Variants in CMIP observed in about 807,000 individuals in gnomAD.
CMIP encodes the protein c-Maf inducing protein.
Under a neutral mutation model 97.3 loss-of-function variants are expected in CMIP, and 13 were observed. That is an observed-to-expected ratio of 0.13 (90% CI 0.09 to 0.21). The LOEUF (loss-of-function observed/expected upper bound fraction) is 0.21. Among genes scored for constraint, CMIP ranks in the 10% least tolerant of loss-of-function variants. The pLI is 1.00. For synonymous variants in CMIP, 538 were observed against 436.3 expected, an observed-to-expected ratio of 1.23 and a Z score of -2.91; for missense variants, 847 against 1,024.9, an observed-to-expected ratio of 0.83 and a Z score of 2.37.
rs562887438 is a variant in CMIP at position 81,638,688 on chromosome 16, C to T, written c.478-13515C>T. ...TTCCCCTCTTTCCCTCTTTCTATAG[C>T]CTGTTCAAAATCTTAACTTAAAACC... On this transcript the variant is annotated intron_variant, in intron 3 of 20. Coordinates refer to ENST00000537098, the MANE Select transcript of CMIP (RefSeq NM_198390.3). Among the ~76,000 whole-genome samples the T allele has an allele frequency of 2.0e-5, 3 of 152,150 alleles. No homozygotes were observed. The East Asian group carries it at 5.8e-4, about 30-fold the overall frequency.
At chr16:81,530,528 T>A (rs2090212760) in intron 1 of CMIP, among the ~76,000 whole-genome samples, 1 of 152,144 alleles carries the variant, frequency 6.6e-6, no homozygotes, top group Admixed American at 6.5e-5. Flanking sequence ...CTGGCACCCC[T>A]GGCAGCTGAC....
At chr16:81,556,730 A>C (rs1480409825) in intron 1 of CMIP, among the ~76,000 whole-genome samples, 1 of 152,200 alleles carries the variant, frequency 6.6e-6, no homozygotes, top group Non-Finnish European at 1.5e-5. Context: ...CGTACACTTA[A>C]ATGGTTAAAA....
chr16:81,709,709 G>T (rs1365812501), intron 20 of CMIP, 37 bp from the exon 21 acceptor site: 2 of 1,612,346 alleles, frequency 1.2e-6, no homozygotes, highest in Admixed American at 3.3e-5. Flanking sequence ...CAAGGGAATG[G>T]CCTACACGTG....
intron 1 of CMIP, among the ~76,000 whole-genome samples, chr16:81,587,637 A>G (rs184491412): frequency 5.5e-4 from 84 of 152,306 alleles, no homozygotes; most frequent in African/African-American, 1.9e-3. Flanking sequence ...TGGGTGAGCT[A>G]CAGCGCTGGA....
intron 2 of CMIP, chr16:81,618,451 A>G (rs962377281): frequency 6.6e-6 from 1 of 152,220 alleles, no homozygotes; most frequent in African/African-American, 2.4e-5. Flanking sequence ...CACGCAGGAT[A>G]ACTTAATCAC....
At chr16:81,466,950 T>G (rs1286646239) in intron 1 of CMIP, among the ~76,000 whole-genome samples, 1 of 152,214 alleles carries the variant, frequency 6.6e-6, no homozygotes, top group Non-Finnish European at 1.5e-5. Flanking sequence ...TTCTTGTGCC[T>G]AATTTTGGGC....
rs113239557 is a variant in CMIP at position 81,601,210 on chromosome 16, C to T, written c.301-6357C>T. 4.1e-4 allele frequency among the ~76,000 whole-genome samples: 63 copies of T among 152,330 alleles called. 3 individuals carry two copies. The highest frequency in any genetic ancestry group is 1.5e-3 in the African/African-American group (62 of 41,568). ...CTCATGGGAGGATTTTCCAGACTGG[C>T]TTCTTTTGGGGTCCGGGAGCTCCTC... On this transcript the variant is annotated intron_variant, in intron 1 of 20. Transcript: ENST00000537098.
chr16:81,452,017 G>A (rs560808958), intron 1 of CMIP, among the ~76,000 whole-genome samples: 3 of 152,322 alleles, frequency 2.0e-5, no homozygotes, highest in Non-Finnish European at 4.4e-5. Flanking sequence ...GTGCGTGTGG[G>A]GGAGGTGTTT....
rs546954466 is a variant in CMIP, at chr16:81,458,261, T to G, written c.300+12720T>G. On this transcript the variant is annotated intron_variant, in intron 1 of 20. Transcript: ENST00000537098. ...GGGCAGTGGGTCCCTCTCCTTTTTATAGCTGAACCCCATCACCTGGAAGGC... is the reference window on the plus strand; with the variant it reads ...GGGCAGTGGGTCCCTCTCCTTTTTAGAGCTGAACCCCATCACCTGGAAGGC... Among the ~76,000 whole-genome samples the G allele has an allele frequency of 4.6e-5, 7 of 152,236 alleles. No individual in the cohort carries two copies. In the East Asian group the frequency reaches 1.4e-3, roughly 29 times the overall value.
chr16:81,534,124 G>C (rs528106721), intron 1 of CMIP, among the ~76,000 whole-genome samples: 2 of 152,224 alleles, frequency 1.3e-5, no homozygotes, highest in East Asian at 3.8e-4. Flanking sequence ...CACCCGGGCA[G>C]CCTGTGGCCA....
At chr16:81,558,577 G>T (rs1393365845) in intron 1 of CMIP, among the ~76,000 whole-genome samples, 1 of 152,214 alleles carries the variant, frequency 6.6e-6, no homozygotes, top group Admixed American at 6.5e-5. Context: ...AATGTCAACA[G>T]TGCCCAGGTG....
At chr16:81,521,041 C>G (rs969013183) in intron 1 of CMIP, among the ~76,000 whole-genome samples, 1 of 152,200 alleles carries the variant, frequency 6.6e-6, no homozygotes, top group Non-Finnish European at 1.5e-5. Flanking sequence ...TGCCCTGGAG[C>G]TTTTTGCAGC....
At chr16:81,702,716 G>T in intron 17 of CMIP, 47 bp downstream of exon 17, 1 of 1,572,714 alleles carries the variant, frequency 6.4e-7, no homozygotes, top group Non-Finnish European at 8.7e-7. Flanking sequence ...AAGGTGGGTT[G>T]GTCCTCTCTG....
intron 1 of CMIP, among the ~76,000 whole-genome samples, chr16:81,460,524 G>C (rs1438110797): frequency 1.3e-5 from 2 of 152,182 alleles, no homozygotes; most frequent in Admixed American, 6.5e-5. Context: ...GGCCCAGGAA[G>C]CCCCTCAGTC....
At chr16:81,586,762 A>G (rs2091390303) in intron 1 of CMIP, among the ~76,000 whole-genome samples, 1 of 152,136 alleles carries the variant, frequency 6.6e-6, no homozygotes, top group Admixed American at 6.5e-5. Context: ...ATGGAATTCT[A>G]CTAATGTGTA....
At chr16:81,687,917 G>A (rs1162662669) in intron 10 of CMIP, among the ~76,000 whole-genome samples, 1 of 152,230 alleles carries the variant, frequency 6.6e-6, no homozygotes, top group Non-Finnish European at 1.5e-5. Flanking sequence ...TCAGTGAATT[G>A]CCATACTGCT....
At chr16:81,507,604 T>G (rs2089733190) in intron 1 of CMIP, among the ~76,000 whole-genome samples, 1 of 152,212 alleles carries the variant, frequency 6.6e-6, no homozygotes, top group Admixed American at 6.5e-5. Context: ...GAACATCCAC[T>G]TTAGACAATT....
At chr16:81,543,533 G>C (rs1171942323) in intron 1 of CMIP, among the ~76,000 whole-genome samples, 1 of 152,106 alleles carries the variant, frequency 6.6e-6, no homozygotes, top group African/African-American at 2.4e-5. Flanking sequence ...AAGGAAGGGG[G>C]GTCAGGGTCG....
chr16:81,570,418 G>A (rs1368116981), intron 1 of CMIP, among the ~76,000 whole-genome samples: 1 of 152,200 alleles, frequency 6.6e-6, no homozygotes, highest in Admixed American at 6.5e-5. Context: ...CTTCTCAGTG[G>A]ACTGCCTTGG....
Sources: gnomAD v4.1 joint callset for allele counts (sites outside exome capture counted in the v4.1 genomes callset) on GRCh38, gnomAD v4.1.1 for gene constraint, MANE v1.5 for transcripts, NCBI Gene and HGNC (gene_info 2026-07-23, HGNC 2026-07-21) for gene names.